MEGF11: variants seen among roughly 807,000 people sequenced by gnomAD.
MEGF11 encodes the protein multiple epidermal growth factor-like domains protein 11.
In MEGF11, 126 loss-of-function variants were observed where a neutral mutation model predicts 146.6. The observed-to-expected ratio is 0.86, with a 90% confidence interval of 0.74 to 1.00. MEGF11 has a LOEUF of 1.00. Ranked by LOEUF, MEGF11 falls within the 50% of genes least tolerant of loss-of-function variation. The pLI, the probability that MEGF11 is intolerant of heterozygous loss-of-function variation, is 0.00. For missense variants in MEGF11, 1,509 were observed against 1,521.2 expected, an observed-to-expected ratio of 0.99 and a Z score of 0.13; for synonymous variants, 532 against 583.4, an observed-to-expected ratio of 0.91 and a Z score of 1.27.
At chr15:66,200,216 T>G (rs1389274943) in intron 1 of MEGF11, among the ~76,000 whole-genome samples, 1 of 152,286 alleles carries the variant, frequency 6.6e-6, no homozygotes, top group Non-Finnish European at 1.5e-5. Flanking sequence ...AGCTAGGCCC[T>G]GCTTTACGGA....
chr15:65,906,070 G>C lies in MEGF11; in HGVS notation c.3055+15C>G. On this transcript the variant is annotated intron_variant, in intron 24 of 25. Coordinates refer to ENST00000395614, the MANE Select transcript of MEGF11 (RefSeq NM_001385028.1). ...TAAGCCCTCTGTAATAAGACAGCAG[G>C]ATTGGATACTCTACCTTTGAAGCCT... The C allele has an allele frequency of 6.2e-7, 1 of 1,602,522 alleles. No homozygotes were observed. The highest frequency in any genetic ancestry group is 8.5e-7 in the Non-Finnish European group (1 of 1,172,040).
chr15:65,998,608 C>T (rs542433179), intron 5 of MEGF11, among the ~76,000 whole-genome samples: 14 of 152,204 alleles, frequency 9.2e-5, no homozygotes, highest in South Asian at 8.3e-4. Context: ...TCACTAAAAG[C>T]GGGTGCTGCA....
intron 5 of MEGF11, among the ~76,000 whole-genome samples, chr15:66,010,986 A>C (rs3852625): frequency 0.018 from 2,673 of 152,260 alleles, 86 homozygotes; most frequent in African/African-American, 0.06. Context: ...CACTGGGGAC[A>C]ATGGAGACTC....
rs1474812821 is a variant in MEGF11, at chr15:65,917,993, C to T, written c.2059G>A (p.Gly687Arg). 1 of 1,613,998 alleles carries T rather than the reference C, an allele frequency of 6.2e-7. No homozygotes were observed. Among genetic ancestry groups the T allele is most frequent in the East Asian group, 2.2e-5 (1 of 44,874 alleles). Residue 687 changes from glycine to arginine, a missense_variant, in exon 16 of 26, where the codon GGA (glycine) becomes AGA (arginine). Transcript: ENST00000395614. ...TGTGAGCAGTCCTTGCCAATCCATC[C>T]AGGAAAGCACTGGCAGGAGCCATCG... is the stretch of plus-strand genomic sequence containing the variant. ...PIDGSCQCFPGWIGKDCSQAC... is the reference protein window; with the variant it reads ...PIDGSCQCFPRWIGKDCSQAC...
intron 5 of MEGF11, among the ~76,000 whole-genome samples, chr15:66,088,942 G>A (rs2086218293): frequency 6.6e-6 from 1 of 152,204 alleles, no homozygotes; most frequent in African/African-American, 2.4e-5. Context: ...CAATGTGAAT[G>A]TACCAATGTT....
rs1462806143 is a variant in MEGF11 at position 66,025,731 on chromosome 15, C to T, written c.395-43243G>A. Among the ~76,000 whole-genome samples, 7 of 152,224 alleles carry T rather than the reference C, an allele frequency of 4.6e-5. No individual in the cohort carries two copies. In the East Asian group the frequency reaches 1.4e-3, roughly 29 times the overall value. On this transcript the variant is annotated intron_variant, in intron 5 of 25. Transcript: ENST00000395614. ...ACATTCCCCTGTCTCTTAATTTGTT[C>T]AGCCCCCCGCCGAGGCTGAGTCTGG...
chr15:66,144,941 G>A (rs904561341), intron 1 of MEGF11, among the ~76,000 whole-genome samples: 2 of 152,190 alleles, frequency 1.3e-5, no homozygotes, highest in South Asian at 2.1e-4. Flanking sequence ...TCTCCCCATA[G>A]AGCTTATCCA....
At chr15:66,002,071 G>T (rs958912541) in intron 5 of MEGF11, among the ~76,000 whole-genome samples, 3 of 152,036 alleles carry the variant, frequency 2.0e-5, no homozygotes, top group Non-Finnish European at 4.4e-5. Context: ...AAGTTGTTGG[G>T]GATTGGGTGA....
chr15:65,966,516 G>A (rs1481972321), intron 8 of MEGF11, among the ~76,000 whole-genome samples: 1 of 152,190 alleles, frequency 6.6e-6, no homozygotes, highest in Non-Finnish European at 1.5e-5. Flanking sequence ...CCTACTGGGA[G>A]ACATATCTCC....
chr15:65,988,899 T>C (rs2081951194), intron 5 of MEGF11, among the ~76,000 whole-genome samples: 1 of 152,190 alleles, frequency 6.6e-6, no homozygotes, highest in African/African-American at 2.4e-5. Context: ...AGCAGTGCTG[T>C]TGAAGGTGAC....
chr15:65,970,332 A>C (rs747973398), intron 8 of MEGF11, among the ~76,000 whole-genome samples: 7 of 152,138 alleles, frequency 4.6e-5, no homozygotes, highest in Non-Finnish European at 7.4e-5. Context: ...GAGCCCATTT[A>C]AATTCAGGGC....
At position 66,016,479 on chromosome 15, in the gene MEGF11, G is replaced by GTTT. The variant is rs58588643; in HGVS notation, c.395-33994_395-33992dup. ...AAAGACTCTGCTTTCCATCCATTCA[G>GTTT]TTTTTTTTTTTTTTTTTTTTGGAAG... is the stretch of plus-strand genomic sequence containing the variant. On this transcript the variant is annotated intron_variant, in intron 5 of 25. Transcript: ENST00000395614. 1.9e-3 allele frequency among the ~76,000 whole-genome samples: 243 copies of GTTT among 127,674 alleles called. 5 individuals are homozygous for GTTT. The highest frequency in any genetic ancestry group is 4.1e-3 in the African/African-American group (138 of 33,866). The allele number at this position is 127,674 out of a possible 152,430, so 83.8% of individuals were successfully genotyped here. A position where few individuals can be genotyped will look rare whatever the true frequency, so the allele number is the denominator to read the frequency against.
intron 5 of MEGF11, among the ~76,000 whole-genome samples, chr15:66,093,511 C>T (rs999078678): frequency 6.6e-6 from 1 of 152,206 alleles, no homozygotes; most frequent in African/African-American, 2.4e-5. Flanking sequence ...ATGTTATCCA[C>T]TCAGGTCACC....
intron 1 of MEGF11, among the ~76,000 whole-genome samples, chr15:66,153,394 G>T (rs754550156): frequency 2.6e-5 from 4 of 152,160 alleles, no homozygotes; most frequent in Admixed American, 6.5e-5. Flanking sequence ...CCAACATGGT[G>T]AAGTCTCGTC....
At chr15:66,163,962 C>CT (rs2090028636) in intron 1 of MEGF11, among the ~76,000 whole-genome samples, 1 of 152,222 alleles carries the variant, frequency 6.6e-6, no homozygotes, top group Admixed American at 6.5e-5. Context: ...CTAAATGTAG[C>CT]TGTCCTCTGA....
intron 10 of MEGF11, among the ~76,000 whole-genome samples, chr15:65,955,106 T>A (rs2141470836): frequency 6.6e-6 from 1 of 152,228 alleles, no homozygotes; most frequent in East Asian, 1.9e-4. Flanking sequence ...ATGCCCAAAG[T>A]CCTACAGCTA....
intron 1 of MEGF11, among the ~76,000 whole-genome samples, chr15:66,189,922 A>C (rs1808626687): frequency 6.6e-6 from 1 of 152,202 alleles, no homozygotes; most frequent in South Asian, 2.1e-4. Flanking sequence ...TCAAGGCTGT[A>C]GTGAGCTATG....
chr15:65,910,051 C>T (rs186410956), intron 21 of MEGF11: 156 of 649,528 alleles, frequency 2.4e-4, no homozygotes, highest in Middle Eastern at 2.2e-3. Flanking sequence ...CCCAGGCCTC[C>T]TGGGGTAGCT....
intron 5 of MEGF11, among the ~76,000 whole-genome samples, chr15:66,031,525 T>A (rs968422792): frequency 6.6e-6 from 1 of 152,124 alleles, no homozygotes; most frequent in Non-Finnish European, 1.5e-5. Context: ...CATTTCCCAC[T>A]CCAAGTGAAG....
Sources: allele counts gnomAD v4.1 joint callset (sites outside exome capture counted in the v4.1 genomes callset), GRCh38; gene constraint gnomAD v4.1.1; transcripts MANE v1.5; gene names NCBI Gene and HGNC (gene_info 2026-07-23, HGNC 2026-07-21).